CBLB: variants seen among roughly 807,000 people sequenced by gnomAD.
The protein encoded by CBLB is Cbl proto-oncogene B.
Under a neutral mutation model 104.9 loss-of-function variants are expected in CBLB, and 31 were observed. The observed-to-expected ratio is 0.30, with a 90% CI of 0.22 to 0.40. The LOEUF is 0.40. Among genes scored for constraint, CBLB ranks in the 10% least tolerant of loss-of-function variants. CBLB has a pLI of 1.00. For missense variants in CBLB, 1,062 were observed against 1,214.6 expected (o/e 0.87, Z 1.87); for synonymous variants, 440 against 422.6 (o/e 1.04, Z -0.51).
intron 5 of CBLB, 78 bp downstream of exon 5, chr3:105,751,380 GAGAC>G (rs2076576476): frequency 8.5e-6 from 8 of 942,260 alleles, no homozygotes; most frequent in Non-Finnish European, 1.4e-5. Context: ...GTGTGAGAGA[GAGAC>G]AGAGAGAGAG....
intron 9 of CBLB, among the ~76,000 whole-genome samples, chr3:105,727,321 T>C (rs1395716902): frequency 1.3e-5 from 2 of 152,242 alleles, no homozygotes; most frequent in Non-Finnish European, 2.9e-5. Flanking sequence ...TGAGCTTTTT[T>C]TCATGTTTGC....
chr3:105,788,488 C>T (rs1462537726), intron 3 of CBLB, among the ~76,000 whole-genome samples: 1 of 152,028 alleles, frequency 6.6e-6, no homozygotes, highest in South Asian at 2.1e-4. Flanking sequence ...AGAAAGTTTA[C>T]GAATTTGTGT....
chr3:105,858,391 C>T (rs573184811), intron 2 of CBLB, among the ~76,000 whole-genome samples: 1 of 152,218 alleles, frequency 6.6e-6, no homozygotes, highest in South Asian at 2.1e-4. Flanking sequence ...AGAAAAATTG[C>T]TTTTCTAAAG....
intron 18 of CBLB, among the ~76,000 whole-genome samples, chr3:105,668,855 AAGTTTCAGAATGTATTGCTAATAGTAT>A (rs1427511648): frequency 1.3e-5 from 2 of 152,184 alleles, no homozygotes; most frequent in African/African-American, 4.8e-5. Context: ...CTTGATTCAG[AAGTTTCAGAATGTATTGCTAATAGTAT>A]TAGCAAGTCT....
chr3:105,815,225 A>G (rs1307219005), intron 3 of CBLB, among the ~76,000 whole-genome samples: 1 of 152,184 alleles, frequency 6.6e-6, no homozygotes, highest in African/African-American at 2.4e-5. Context: ...TAAATCTACA[A>G]AAAATGCTTT....
chr3:105,811,845 G>A (rs990776188), intron 3 of CBLB, among the ~76,000 whole-genome samples: 10 of 152,082 alleles, frequency 6.6e-5, no homozygotes, highest in Non-Finnish European at 4.4e-5. Context: ...AAGTAGCTGG[G>A]ATTACAGGCG....
At chr3:105,782,280 A>G (rs1040373596) in intron 3 of CBLB, among the ~76,000 whole-genome samples, 1 of 152,228 alleles carries the variant, frequency 6.6e-6, no homozygotes, top group Non-Finnish European at 1.5e-5. Flanking sequence ...GAATCTACCC[A>G]AAGTCATAAG....
At chr3:105,780,670 T>TTTTTTTTTTTTTTTTTTTTTTTG (rs1560209728) in intron 3 of CBLB, among the ~76,000 whole-genome samples, 17 of 135,206 alleles carry the variant, frequency 1.3e-4, no homozygotes, top group Non-Finnish European at 1.7e-4. Flanking sequence ...GTTTTTTTTT[T>TTTTTTTTTTTTTTTTTTTTTTTG]TTTTTTTTTT....
chr3:105,762,641 T>C (rs1170089785), intron 4 of CBLB, among the ~76,000 whole-genome samples: 1 of 152,248 alleles, frequency 6.6e-6, no homozygotes, highest in South Asian at 2.1e-4. Context: ...AGAAGATGTA[T>C]GGAAATGCTT....
In CBLB at chr3:105,763,088, T is replaced by C. The variant is rs147925627; in HGVS notation, c.567-11470A>G. Reference sequence around the variant, plus strand: ...GGATTTCGGACTTGTGTGGGGCCTGTAGACCCTTTGTTTTGGCCAATTTCT... The same window carrying C: ...GGATTTCGGACTTGTGTGGGGCCTGCAGACCCTTTGTTTTGGCCAATTTCT... On this transcript the variant is annotated intron_variant, in intron 4 of 18. Coordinates refer to ENST00000394030, the MANE Select transcript of CBLB (RefSeq NM_170662.5). 1.5e-3 allele frequency among the ~76,000 whole-genome samples: 223 copies of C among 152,336 alleles called. 8 individuals carry two copies. The highest frequency in any genetic ancestry group is 3.5e-3 in the East Asian group (18 of 5,190).
In CBLB at chr3:105,749,354, T is replaced by C. The variant is rs141317279; in HGVS notation, c.723+2108A>G. On this transcript the variant is annotated intron_variant, in intron 5 of 18. Coordinates refer to ENST00000394030, the MANE Select transcript of CBLB (RefSeq NM_170662.5). ...TTTTATGATATAAAACTTTTCACAG[T>C]AGCTTGACTTAAAAATAGCCCTTTC... Among the ~76,000 whole-genome samples, 508 of 152,308 alleles carry C rather than the reference T, an allele frequency of 3.3e-3. 3 individuals carry two copies. Among genetic ancestry groups the C allele is most frequent in the South Asian group, 5.6e-3 (27 of 4,828 alleles).
intron 5 of CBLB, among the ~76,000 whole-genome samples, chr3:105,748,710 G>A (rs2152901770): frequency 6.6e-6 from 1 of 152,294 alleles, no homozygotes; most frequent in South Asian, 2.1e-4. Flanking sequence ...TCCCTCCAGT[G>A]ACTCCCAAGT....
intron 8 of CBLB, among the ~76,000 whole-genome samples, chr3:105,735,375 AAAT>A: frequency 6.6e-6 from 1 of 152,346 alleles, no homozygotes; most frequent in African/African-American, 2.4e-5. Flanking sequence ...GATGTCCCTG[AAAT>A]AATAGATAAG....
intron 3 of CBLB, among the ~76,000 whole-genome samples, chr3:105,822,082 T>C (rs964981233): frequency 1.6e-4 from 25 of 152,034 alleles, no homozygotes; most frequent in African/African-American, 5.3e-4. Context: ...TTGACACTAT[T>C]ATAAATAACT....
intron 3 of CBLB, among the ~76,000 whole-genome samples, chr3:105,782,823 CGGCCTCCCAAAGTGCTGGGATTACA>C (rs1263889780): frequency 1.5e-4 from 23 of 152,106 alleles, no homozygotes; most frequent in Admixed American, 1.4e-3. Flanking sequence ...CTGCCCACCT[CGGCCTCCCAAAGTGCTGGGATTACA>C]GGCGTGAGCC....
At chr3:105,707,380 AAT>A (rs1051975220) in intron 10 of CBLB, among the ~76,000 whole-genome samples, 9 of 152,296 alleles carry the variant, frequency 5.9e-5, no homozygotes, top group Non-Finnish European at 1.0e-4. Context: ...GAAGAAAAAA[AAT>A]ATCTTTCATC....
In CBLB at chr3:105,868,960, G is replaced by T; in HGVS notation, c.-239C>A. On this transcript the variant is annotated 5_prime_UTR_variant, in exon 1 of 19. Transcript: ENST00000394030. ...TCTCCCCTCCCGCCCGACTCGGGGA[G>T]GCCGCGGGACGCCGCAGCAGCACTA... is the stretch of plus-strand genomic sequence containing the variant. 1 of 1,020,974 alleles carries T rather than the reference G, an allele frequency of 9.8e-7. No homozygotes were observed. Among genetic ancestry groups the T allele is most frequent in the Non-Finnish European group, 1.2e-6 (1 of 852,974 alleles). The allele number at this position is 1,020,974 out of a possible 1,614,324, so 63.2% of individuals were successfully genotyped here. A position where few individuals can be genotyped will look rare whatever the true frequency, so the allele number is the denominator to read the frequency against.
chr3:105,721,479 C>A (rs1047910918), intron 9 of CBLB, among the ~76,000 whole-genome samples: 1 of 152,030 alleles, frequency 6.6e-6, no homozygotes, highest in African/African-American at 2.4e-5. Context: ...CTTTGCCAAA[C>A]AAAGTGTCAA....
intron 4 of CBLB, among the ~76,000 whole-genome samples, chr3:105,770,055 G>A (rs2078678686): frequency 6.6e-6 from 1 of 151,028 alleles, no homozygotes; most frequent in African/African-American, 2.4e-5. Flanking sequence ...GGAAATTTAT[G>A]TCTAAATCTT....
Sources: allele counts gnomAD v4.1 joint callset (sites outside exome capture counted in the v4.1 genomes callset), GRCh38; gene constraint gnomAD v4.1.1; transcripts MANE v1.5; gene names NCBI Gene and HGNC (gene_info 2026-07-23, HGNC 2026-07-21).